ADAM9: variants seen among roughly 807,000 people sequenced by gnomAD.
ADAM9 encodes the protein disintegrin and metalloproteinase domain-containing protein 9.
ADAM9 carries 54 observed loss-of-function variants against 108.1 expected under a neutral mutation model. That is an observed-to-expected ratio of 0.50 (90% confidence interval 0.40 to 0.63). The LOEUF is 0.63. Ranked by LOEUF, ADAM9 falls within the 20% of genes least tolerant of loss-of-function variation. The pLI, the probability that ADAM9 is intolerant of heterozygous loss-of-function variation, is 0.00. For synonymous variants in ADAM9, 316 were observed against 336.0 expected, an observed-to-expected ratio of 0.94 and a Z score of 0.65; for missense variants, 830 against 997.7, an observed-to-expected ratio of 0.83 and a Z score of 2.26.
At chr8:39,051,949 T>C (rs1380130232) in intron 12 of ADAM9, among the ~76,000 whole-genome samples, 1 of 152,212 alleles carries the variant, frequency 6.6e-6, no homozygotes, top group Non-Finnish European at 1.5e-5. Flanking sequence ...ACACCTCATG[T>C]GTATATATAC....
At chr8:39,041,409 C>G (rs1227019919) in intron 11 of ADAM9, among the ~76,000 whole-genome samples, 1 of 152,162 alleles carries the variant, frequency 6.6e-6, no homozygotes, top group African/African-American at 2.4e-5. Context: ...ATAGGAGTAG[C>G]TGAAATTCTA....
At chr8:39,071,765 G>A (rs953297840) in intron 15 of ADAM9, among the ~76,000 whole-genome samples, 6 of 152,010 alleles carry the variant, frequency 3.9e-5, no homozygotes, top group Non-Finnish European at 7.4e-5. Flanking sequence ...GTGCCCGGCC[G>A]TCTCTAGTAT....
At chr8:39,024,174 C>A (rs999792463) in intron 9 of ADAM9, among the ~76,000 whole-genome samples, 2 of 152,148 alleles carry the variant, frequency 1.3e-5, no homozygotes, top group Non-Finnish European at 2.9e-5. Flanking sequence ...CTGTTTTTCC[C>A]CGTCACTGGA....
intron 18 of ADAM9, among the ~76,000 whole-genome samples, chr8:39,083,460 C>A (rs1839084925): frequency 6.6e-6 from 1 of 152,206 alleles, no homozygotes; most frequent in Non-Finnish European, 1.5e-5. Flanking sequence ...AAATGCCCTG[C>A]ATGACTTGCC....
At chr8:39,048,954 A>G (rs1013021219) in intron 12 of ADAM9, among the ~76,000 whole-genome samples, 6 of 143,490 alleles carry the variant, frequency 4.2e-5, no homozygotes, top group Middle Eastern at 3.9e-3. Flanking sequence ...TTCAGCCTAT[A>G]TATGTCCTTA....
At position 39,027,294 on chromosome 8, in the gene ADAM9, A is replaced by G. The variant is rs965346863; in HGVS notation, c.1130+484A>G. On this transcript the variant is annotated intron_variant, in intron 11 of 21. Transcript: ENST00000487273. ...TGCATTGTCACTGTAGGTAGAAGAGATCCTGATATATTTCTATTAACAAAC... is the reference window on the plus strand; with the variant it reads ...TGCATTGTCACTGTAGGTAGAAGAGGTCCTGATATATTTCTATTAACAAAC... 3.3e-5 allele frequency among the ~76,000 whole-genome samples: 5 copies of G among 152,212 alleles called. No homozygotes were observed. The South Asian group carries it at 8.3e-4, about 25-fold the overall frequency.
rs758999076 is a variant in ADAM9 at position 39,082,921 on chromosome 8, G to A, written c.1963-47G>A. 8.6e-6 allele frequency: 13 copies of A among 1,519,406 alleles called. No homozygotes were observed. In the East Asian group the frequency reaches 2.8e-4, roughly 32 times the overall value. 94.1% of individuals were successfully genotyped at this position (1,519,406 alleles called of 1,614,324 possible). A position where few individuals can be genotyped will look rare whatever the true frequency, so the allele number is the denominator to read the frequency against. Reference sequence around the variant, plus strand: ...TTTCCATTCTTGAGTTGATGATATAGAGCAACATTCACAATTAACAAAAGT... The same window carrying A: ...TTTCCATTCTTGAGTTGATGATATAAAGCAACATTCACAATTAACAAAAGT... On this transcript the variant is annotated intron_variant, in intron 17 of 21. Transcript: ENST00000487273.
intron 1 of ADAM9, among the ~76,000 whole-genome samples, chr8:38,997,420 C>T (rs1358841309): frequency 6.6e-6 from 1 of 152,106 alleles, no homozygotes; most frequent in Non-Finnish European, 1.5e-5. Context: ...TTCCCAGCGT[C>T]CCCCCATCCC....
At chr8:39,019,990 A>C (rs919650755) in intron 7 of ADAM9, among the ~76,000 whole-genome samples, 3 of 152,252 alleles carry the variant, frequency 2.0e-5, no homozygotes, top group African/African-American at 4.8e-5. Context: ...GTCAAGATTC[A>C]AAATGTTTTC....
At chr8:39,002,312 C>A (rs200232433) in intron 1 of ADAM9, among the ~76,000 whole-genome samples, 4 of 71,492 alleles carry the variant, frequency 5.6e-5, no homozygotes, top group Admixed American at 2.0e-4. Flanking sequence ...AGGTAGAATT[C>A]TTTTTTTTTT....
intron 14 of ADAM9, among the ~76,000 whole-genome samples, chr8:39,064,326 A>C (rs1336544102): frequency 6.6e-6 from 1 of 152,248 alleles, no homozygotes; most frequent in Non-Finnish European, 1.5e-5. Context: ...CAGAAAACTC[A>C]TTCTCAAAGT....
chr8:39,026,654 T>C (rs1042002952), intron 10 of ADAM9, 23 bp from the exon 11 acceptor site: 1 of 1,614,104 alleles, frequency 6.2e-7, no homozygotes, highest in Non-Finnish European at 8.5e-7. Flanking sequence ...GAAACCTAAT[T>C]ACTACCTTCC....
At chr8:39,024,920 G>A (rs762871273) in intron 9 of ADAM9, among the ~76,000 whole-genome samples, 2 of 152,144 alleles carry the variant, frequency 1.3e-5, no homozygotes, top group Non-Finnish European at 2.9e-5. Context: ...GAATTTTGAG[G>A]TGACATGGTC....
chr8:39,073,755 A>G (rs1212626839), intron 15 of ADAM9, among the ~76,000 whole-genome samples: 1 of 152,152 alleles, frequency 6.6e-6, no homozygotes, highest in Non-Finnish European at 1.5e-5. Context: ...GTCTTGTTTC[A>G]TATTTTTATG....
chr8:39,048,878 C>T lies in ADAM9; in HGVS notation c.1303-5603C>T, dbSNP rs539095004. Among the ~76,000 whole-genome samples the T allele has an allele frequency of 4.6e-5, 7 of 151,686 alleles. No homozygotes were observed. In the South Asian group the frequency reaches 6.3e-4, roughly 14 times the overall value. The stretch of plus-strand genomic sequence containing the variant: ...GACATAGAGTCTCTTTTCTTTGATA[C>T]AAATATAGGTACCCCTGCTCTCTGT... On this transcript the variant is annotated intron_variant, in intron 12 of 21. Transcript: ENST00000487273.
intron 1 of ADAM9, among the ~76,000 whole-genome samples, chr8:39,001,643 A>C (rs750614011): frequency 2.0e-5 from 3 of 152,162 alleles, no homozygotes; most frequent in Non-Finnish European, 4.4e-5. Context: ...CTAGCAGTAG[A>C]AATTATAATT....
chr8:39,072,661 CTG>C (rs1345345790), intron 15 of ADAM9, among the ~76,000 whole-genome samples: 1 of 152,230 alleles, frequency 6.6e-6, no homozygotes, highest in Non-Finnish European at 1.5e-5. Context: ...GTTCAGCATG[CTG>C]TCTTTCCCCC....
rs771876763 is a variant in ADAM9, at chr8:39,103,749, C to CT, written c.*60dup. On this transcript the variant is annotated 3_prime_UTR_variant, in exon 22 of 22. Coordinates refer to ENST00000487273, the MANE Select transcript of ADAM9 (RefSeq NM_003816.3). ...ATGTCTTCAGGGAACTGAGCTAATA[C>CT]TTTTTTTTTTTCTTGATGTTTTCTT... 37,293 of 1,078,446 alleles carry CT rather than the reference C, an allele frequency of 0.035. No homozygotes were observed. The highest frequency in any genetic ancestry group is 0.04 in the Non-Finnish European group (31,351 of 781,448). The allele number at this position is 1,078,446 out of a possible 1,614,324, so 66.8% of individuals were successfully genotyped here. A position where few individuals can be genotyped will look rare whatever the true frequency, so the allele number is the denominator to read the frequency against.
intron 1 of ADAM9, among the ~76,000 whole-genome samples, chr8:39,005,567 T>G (rs866034522): frequency 7.1e-4 from 108 of 152,230 alleles, no homozygotes; most frequent in African/African-American, 2.6e-3. Context: ...GATCCAGATG[T>G]TAACATTAGC....
Sources: allele counts gnomAD v4.1 joint callset (sites outside exome capture counted in the v4.1 genomes callset), GRCh38; gene constraint gnomAD v4.1.1; transcripts MANE v1.5; gene names NCBI Gene and HGNC (gene_info 2026-07-23, HGNC 2026-07-21).